Variants in LGALS8 observed in about 807,000 individuals in gnomAD.
The protein encoded by LGALS8 is galectin 8.
In LGALS8, 30 loss-of-function variants were observed where a neutral mutation model predicts 35.9. The observed-to-expected ratio is 0.83, with a 90% CI of 0.62 to 1.13. The LOEUF (loss-of-function observed/expected upper bound fraction) is 1.13. Ranked by LOEUF, LGALS8 falls within the 50% of genes most tolerant of loss-of-function variation. LGALS8 has a pLI of 0.00. For synonymous variants in LGALS8, 138 were observed against 136.1 expected, an observed-to-expected ratio of 1.01 and a Z score of -0.10; for missense variants, 366 against 388.7, an observed-to-expected ratio of 0.94 and a Z score of 0.49.
At chr1:236,545,513 C>G (rs374170586) in intron 9 of LGALS8, among the ~76,000 whole-genome samples, 1 of 152,194 alleles carries the variant, frequency 6.6e-6, no homozygotes, top group African/African-American at 2.4e-5. Flanking sequence ...TGGCCAGCCT[C>G]AATCACCAGC....
intron 1 of LGALS8, chr1:236,524,276 G>T (rs12734063): frequency 6.6e-6 from 3 of 455,910 alleles, no homozygotes; most frequent in Non-Finnish European, 1.3e-5. Flanking sequence ...CAGGCGAGGC[G>T]CTCCGGGGCA....
At chr1:236,537,205 C>T (rs1373885221) in intron 2 of LGALS8, among the ~76,000 whole-genome samples, 5 of 151,706 alleles carry the variant, frequency 3.3e-5, no homozygotes, top group East Asian at 1.9e-4. Context: ...TTAGTAGAGA[C>T]GGGGTTTCAC....
chr1:236,528,209 C>T (rs1201088213), intron 2 of LGALS8, among the ~76,000 whole-genome samples: 1 of 151,964 alleles, frequency 6.6e-6, no homozygotes, highest in African/African-American at 2.4e-5. Flanking sequence ...GGCGAAACTC[C>T]GTCTCTACTT....
chr1:236,540,699 C>T lies in LGALS8; in HGVS notation c.465+16C>T. ...CTTCAGCTCGGTGAGTGACCTTCCA[C>T]AGCTTGGGGTCTTTTATGAGGATGG... is the stretch of plus-strand genomic sequence containing the variant. On this transcript the variant is annotated intron_variant, in intron 5 of 9. Transcript: ENST00000366584. 6.3e-7 allele frequency: 1 copy of T among 1,594,566 alleles called. No homozygotes were observed. The highest frequency in any genetic ancestry group is 8.5e-7 in the Non-Finnish European group (1 of 1,170,506).
chr1:236,540,843 C>G (rs1438774106), intron 5 of LGALS8, among the ~76,000 whole-genome samples, 160 bp downstream of exon 5: 2 of 152,206 alleles, frequency 1.3e-5, no homozygotes, highest in Non-Finnish European at 2.9e-5. Context: ...TAGCAGAAGG[C>G]TGTTTATCAG....
In LGALS8 at chr1:236,540,564, G is replaced by T. The variant is rs1291794269; in HGVS notation, c.346G>T (p.Val116Leu). The T allele has an allele frequency of 1.3e-6, 2 of 1,599,504 alleles. No homozygotes were observed. The highest frequency in any genetic ancestry group is 1.7e-6 in the Non-Finnish European group (2 of 1,173,430). The change falls in exon 5 of 10, where the codon GTG (valine) becomes TTG (leucine). Residue 116 changes from valine (V) to leucine (L), a missense_variant and splice_region_variant. Val to Leu is a conservative substitution (Grantham distance 32, BLOSUM62 1). Transcript: ENST00000366584. The part of the protein sequence containing the change: ...VIMVLKDKFQ[V>L]AVNGKHTLLY... ...GGCTCTGTCTTCTGTATCTCTCTAG[G>T]TGGCTGTAAATGGAAAACATACTCT... is the stretch of plus-strand genomic sequence containing the variant.
chr1:236,543,162 C>A, intron 7 of LGALS8: 1 of 904,024 alleles, frequency 1.1e-6, no homozygotes, highest in Non-Finnish European at 1.8e-6. Context: ...TGTGCCGTCC[C>A]TGGACGGATT....
rs116494694 is a variant in LGALS8, at chr1:236,526,042, G to T, written c.-29G>T. 1,458 of 1,598,804 alleles carry T rather than the reference G, an allele frequency of 9.1e-4. 8 individuals carry two copies. In the African/African-American group the frequency reaches 0.014, roughly 16 times the overall value. ...AAAATCTTAGGTCATACACAGAAGA[G>T]ACTCCAATCGACAAGAAGCTGGAAA... is the stretch of plus-strand genomic sequence containing the variant. On this transcript the variant is annotated 5_prime_UTR_variant, in exon 2 of 10. Coordinates refer to ENST00000366584, the MANE Select transcript of LGALS8 (RefSeq NM_201544.4). This position sits in a 1 kb window ranked among gnomAD's most constrained non-coding sequence, Gnocchi z 4.6.
At chr1:236,528,396 C>A (rs1443846101) in intron 2 of LGALS8, among the ~76,000 whole-genome samples, 1 of 149,578 alleles carries the variant, frequency 6.7e-6, no homozygotes, top group Non-Finnish European at 1.5e-5. Flanking sequence ...AAAAAAAAAC[C>A]CCCCCACACA....
In LGALS8 at chr1:236,538,889, G is replaced by A. The variant is rs1381462700; in HGVS notation, c.145G>A (p.Asp49Asn). 1 of 1,612,228 alleles carries A rather than the reference G, an allele frequency of 6.2e-7. No individual in the cohort carries two copies. The highest frequency in any genetic ancestry group is 8.5e-7 in the Non-Finnish European group (1 of 1,179,696). ...TCTTCCCTCATATAGATTCCAGGTG[G>A]ATCTGCAGAATGGCAGCAGCATGAA... ...VPSDADRFQV[D>N]LQNGSSMKPR... Residue 49 changes from aspartate (D) to asparagine (N), a missense_variant, in exon 4 of 10, where the codon GAT becomes AAT. Coordinates refer to ENST00000366584, the MANE Select transcript of LGALS8 (RefSeq NM_201544.4).
chr1:236,540,334 C>A (rs1661895932), intron 4 of LGALS8: 2 of 438,662 alleles, frequency 4.6e-6, no homozygotes. Flanking sequence ...GCCTGTTTGT[C>A]TGGGGAGAGA....
intron 7 of LGALS8, chr1:236,543,237 C>T: frequency 3.2e-6 from 2 of 633,788 alleles, no homozygotes; most frequent in Non-Finnish European, 5.6e-6. Context: ...CCCTGCTTGG[C>T]TGCTTCCCCT....
At chr1:236,544,984 C>A in intron 9 of LGALS8, 69 bp downstream of exon 9, 2 of 1,235,052 alleles carry the variant, frequency 1.6e-6, no homozygotes, top group Non-Finnish European at 2.3e-6. Context: ...ATAAGTGGTC[C>A]ATTTAAATCA....
Position 236,551,770 on chromosome 1 carries a change from G to A in LGALS8, c.*3609G>A, listed in dbSNP as rs575611598. ...AGATCGTGAAGATTACACTGTAAAC[G>A]GACTCTCAAATGATCAGGAGGTGGT... is the stretch of plus-strand genomic sequence containing the variant. On this transcript the variant is annotated 3_prime_UTR_variant, in exon 10 of 10. Transcript: ENST00000366584. The A allele has an allele frequency of 1.0e-3, 478 of 468,258 alleles. 5 individuals are homozygous for A. In the South Asian group the frequency reaches 0.014, roughly 14 times the overall value. 29.0% of individuals were successfully genotyped at this position (468,258 alleles called of 1,614,324 possible). A position where few individuals can be genotyped will look rare whatever the true frequency, so the allele number is the denominator to read the frequency against.
At position 236,549,766 on chromosome 1, in the gene LGALS8, T is replaced by C. The variant is rs1662631782; in HGVS notation, c.*1605T>C. 6.6e-6 allele frequency: 1 copy of C among 152,180 alleles called. No homozygotes were observed. The highest frequency in any genetic ancestry group is 2.1e-4 in the South Asian group (1 of 4,826). 9.4% of individuals were successfully genotyped at this position (152,180 alleles called of 1,614,324 possible). A position where few individuals can be genotyped will look rare whatever the true frequency, so the allele number is the denominator to read the frequency against. On this transcript the variant is annotated 3_prime_UTR_variant, in exon 10 of 10. Transcript: ENST00000366584. ...GACTGTGAGGCATTTAGGAAAAAAA[T>C]AGCCCACTCACATCATTCCTTGTAA...
chr1:236,540,404 T>G, intron 4 of LGALS8, 160 bp from the exon 5 acceptor site: 13 of 669,676 alleles, frequency 1.9e-5, no homozygotes, highest in East Asian at 3.2e-5. Flanking sequence ...ACTGCTAGTG[T>G]TTTGGGTGCT....
chr1:236,533,099 G>A (rs903657936), intron 2 of LGALS8, among the ~76,000 whole-genome samples: 3 of 152,040 alleles, frequency 2.0e-5, no homozygotes, highest in Non-Finnish European at 1.5e-5. Context: ...CACTTCTTTC[G>A]TATGTCACTC....
At position 236,549,233 on chromosome 1, in the gene LGALS8, TAC is replaced by T. The variant is rs1301465073; in HGVS notation, c.*1073_*1074del. 3.5e-5 allele frequency: 13 copies of T among 366,388 alleles called. No individual in the cohort carries two copies. The highest frequency in any genetic ancestry group is 5.8e-5 in the Non-Finnish European group (12 of 207,186). The allele number at this position is 366,388 out of a possible 1,614,324, so 22.7% of individuals were successfully genotyped here. A position where few individuals can be genotyped will look rare whatever the true frequency, so the allele number is the denominator to read the frequency against. On this transcript the variant is annotated 3_prime_UTR_variant, in exon 10 of 10. Transcript: ENST00000366584. ...CTGAGATCAAAGCACTCTTCCACTT[TAC>T]GTGATTAAAATCAAACCTGTATCAG...
chr1:236,548,104 T>C lies in LGALS8; in HGVS notation c.897T>C (p.Ser299=), dbSNP rs576833566. 1.9e-6 allele frequency: 3 copies of C among 1,613,868 alleles called. No individual in the cohort carries two copies. Among genetic ancestry groups the C allele is most frequent in the African/African-American group, 2.7e-5 (2 of 75,034 alleles). Residue 299 remains serine, a synonymous_variant, in exon 10 of 10, where the codon AGT becomes AGC. Transcript: ENST00000366584. ...AACACAGATTTAAAGAGCTCAGCAG[T>C]ATTGACACGCTGGAAATTAATGGAG... ...EYKHRFKELS[S]IDTLEINGDI...
Sources: allele counts gnomAD v4.1 joint callset (sites outside exome capture counted in the v4.1 genomes callset), GRCh38; gene constraint gnomAD v4.1.1; non-coding constraint Gnocchi (gnomAD v3.1); transcripts MANE v1.5; gene names NCBI Gene and HGNC (gene_info 2026-07-23, HGNC 2026-07-21).